Variants in CXCL13 observed in about 807,000 individuals in gnomAD.
The protein encoded by CXCL13 is C-X-C motif chemokine ligand 13.
Under a neutral mutation model 12.2 loss-of-function variants are expected in CXCL13, and 7 were observed. That is an observed-to-expected ratio of 0.57 (90% CI 0.33 to 1.07). The LOEUF (loss-of-function observed/expected upper bound fraction) is 1.07, where lower values mean the gene tolerates loss of function less well. Ranked by LOEUF, CXCL13 falls within the 50% of genes least tolerant of loss-of-function variation. The pLI, the probability that CXCL13 is intolerant of heterozygous loss-of-function variation, is 0.04. For missense variants in CXCL13, 113 were observed against 127.4 expected (o/e 0.89, Z 0.55); for synonymous variants, 47 against 42.4 (o/e 1.11, Z -0.42).
chr4:77,563,198 G>A (rs7694642), intron 1 of CXCL13, among the ~76,000 whole-genome samples: 9,003 of 151,980 alleles, frequency 0.059, 741 homozygotes, highest in African/African-American at 0.19. Flanking sequence ...GAACTGTAAC[G>A]CTCACCGGGA....
intron 1 of CXCL13, among the ~76,000 whole-genome samples, chr4:77,560,042 G>T (rs964309593): frequency 6.8e-6 from 1 of 146,372 alleles, no homozygotes; most frequent in Non-Finnish European, 1.5e-5. Context: ...CAGCAATGAG[G>T]TTGTTTTCTT....
chr4:77,543,184 T>C (rs1695932729), intron 1 of CXCL13, among the ~76,000 whole-genome samples: 1 of 152,162 alleles, frequency 6.6e-6, no homozygotes, highest in Non-Finnish European at 1.5e-5. Flanking sequence ...GGGCTTTTTG[T>C]ATTTCTGTGA....
rs187477106 is a variant in CXCL13, at chr4:77,571,721, G to A, written c.-42-34103G>A. Among the ~76,000 whole-genome samples the A allele has an allele frequency of 5.2e-3, 797 of 151,852 alleles. 9 individuals carry two copies. Among genetic ancestry groups the A allele is most frequent in the Middle Eastern group, 0.027 (8 of 294 alleles). On this transcript the variant is annotated intron_variant, in intron 1 of 4. Coordinates refer to the CXCL13 transcript ENST00000286758. ...GATAAGAGAATAAAAGCAGGCTGCCGGAGCCAGCAGTGGCAACCCGCTCCA... is the reference window on the plus strand; with the variant it reads ...GATAAGAGAATAAAAGCAGGCTGCCAGAGCCAGCAGTGGCAACCCGCTCCA...
At chr4:77,512,371 AT>A (rs1724297252) in intron 1 of CXCL13, among the ~76,000 whole-genome samples, 1 of 152,192 alleles carries the variant, frequency 6.6e-6, no homozygotes, top group South Asian at 2.1e-4. Flanking sequence ...TACTACTTCT[AT>A]TAGTTTGCTA....
chr4:77,516,024 T>C (rs1448422056), intron 1 of CXCL13, among the ~76,000 whole-genome samples: 1 of 152,250 alleles, frequency 6.6e-6, no homozygotes, highest in African/African-American at 2.4e-5. Context: ...TGAAGTGCTG[T>C]TGAATTTTGT....
intron 1 of CXCL13, among the ~76,000 whole-genome samples, chr4:77,573,422 G>A (rs1411514626): frequency 6.8e-6 from 1 of 146,644 alleles, no homozygotes; most frequent in Non-Finnish European, 1.5e-5. Flanking sequence ...ATGTCTAAAT[G>A]TGTTTTATGT....
In CXCL13 at chr4:77,610,743, G is replaced by T. The variant is rs368899779; in HGVS notation, c.278+49G>T. 2.4e-5 allele frequency: 33 copies of T among 1,399,654 alleles called. No homozygotes were observed. The East Asian group carries it at 7.5e-4, about 32-fold the overall frequency. The allele number at this position is 1,399,654 out of a possible 1,614,324, so 86.7% of individuals were successfully genotyped here. ...TTCAGATTCCAACTTGTACTGAAGA[G>T]TTTCCCTTTCCTGGGCAGTCAAAAT... On this transcript the variant is annotated intron_variant, in intron 3 of 3. Coordinates refer to ENST00000682537, the MANE Select transcript of CXCL13 (RefSeq NM_001371558.1).
chr4:77,586,373 T>C (rs1437000390), intron 1 of CXCL13, among the ~76,000 whole-genome samples: 1 of 152,148 alleles, frequency 6.6e-6, no homozygotes, highest in Middle Eastern at 3.2e-3. Context: ...AAAATCGGTA[T>C]GTTGGCAGGA....
intron 2 of CXCL13, among the ~76,000 whole-genome samples, chr4:77,609,190 C>G (rs1727087898): frequency 6.6e-6 from 1 of 152,184 alleles, no homozygotes; most frequent in Non-Finnish European, 1.5e-5. Context: ...TGTGACCTCT[C>G]TAAGATTTAC....
At chr4:77,532,378 C>T (rs1205206416) in intron 1 of CXCL13, among the ~76,000 whole-genome samples, 5 of 152,208 alleles carry the variant, frequency 3.3e-5, no homozygotes, top group Admixed American at 6.5e-5. Context: ...ATTGGCCCCA[C>T]TCTCTTCTGG....
intron 1 of CXCL13, among the ~76,000 whole-genome samples, chr4:77,572,019 C>T (rs576891593): frequency 2.0e-5 from 3 of 151,844 alleles, no homozygotes; most frequent in South Asian, 2.1e-4. Flanking sequence ...AAAGAAACTC[C>T]GAACACATCT....
chr4:77,554,527 T>C (rs1362517117), intron 1 of CXCL13, among the ~76,000 whole-genome samples: 1 of 152,132 alleles, frequency 6.6e-6, no homozygotes, highest in Non-Finnish European at 1.5e-5. Flanking sequence ...CTCTCAGTAG[T>C]TGGTAAAACA....
intron 1 of CXCL13, among the ~76,000 whole-genome samples, chr4:77,528,642 A>T (rs539019824): frequency 6.6e-6 from 1 of 151,902 alleles, no homozygotes; most frequent in Non-Finnish European, 1.5e-5. Flanking sequence ...TTTTTCTTGT[A>T]AATTTGTTGG....
chr4:77,578,682 C>G (rs1726248324), intron 1 of CXCL13, among the ~76,000 whole-genome samples: 1 of 151,914 alleles, frequency 6.6e-6, no homozygotes, highest in African/African-American at 2.4e-5. Flanking sequence ...TTTTCTTTTT[C>G]TCTCCTAATA....
intron 1 of CXCL13, among the ~76,000 whole-genome samples, chr4:77,526,800 G>A (rs1359008499): frequency 6.6e-6 from 1 of 152,136 alleles, no homozygotes; most frequent in African/African-American, 2.4e-5. Context: ...AGGGAGGCCA[G>A]GGAGCCTTTC....
At chr4:77,567,915 G>A (rs993444382) in intron 1 of CXCL13, among the ~76,000 whole-genome samples, 42 of 152,050 alleles carry the variant, frequency 2.8e-4, no homozygotes, top group African/African-American at 1.0e-3. Flanking sequence ...CAGCCCTCAG[G>A]GCTACTCTGC....
intron 1 of CXCL13, among the ~76,000 whole-genome samples, chr4:77,547,635 T>G (rs142697158): frequency 0.026 from 3,931 of 152,182 alleles, 151 homozygotes; most frequent in African/African-American, 0.074. Context: ...GTCTGTGCAC[T>G]TGAGATGGGT....
intron 1 of CXCL13, among the ~76,000 whole-genome samples, chr4:77,523,797 T>G (rs996271134): frequency 6.6e-6 from 1 of 152,174 alleles, no homozygotes; most frequent in Admixed American, 6.5e-5. Context: ...GGTCCTCTGG[T>G]TTTTAGAATT....
Position 77,591,387 on chromosome 4 carries a change from A to C in CXCL13, c.-42-14437A>C, listed in dbSNP as rs1726605581. ...AACAAGGTGAAACCCCGTTTCTACT[A>C]AAAAATACAAAAAATTAGCCAGGCG... On this transcript the variant is annotated intron_variant, in intron 1 of 4. Coordinates refer to the CXCL13 transcript ENST00000286758. 4.6e-5 allele frequency among the ~76,000 whole-genome samples: 7 copies of C among 151,520 alleles called. No homozygotes were observed. The South Asian group carries it at 1.5e-3, about 32-fold the overall frequency.
Sources: gnomAD v4.1 joint callset for allele counts (sites outside exome capture counted in the v4.1 genomes callset) on GRCh38, gnomAD v4.1.1 for gene constraint, MANE v1.5 for transcripts, NCBI Gene and HGNC (gene_info 2026-07-23, HGNC 2026-07-21) for gene names.